Variants in RETREG1 observed in about 807,000 individuals in gnomAD.
RETREG1 encodes the protein family with sequence similarity 134 member B.
Under a neutral mutation model 54.8 loss-of-function variants are expected in RETREG1, and 44 were observed. The observed-to-expected ratio is 0.80, with a 90% CI of 0.63 to 1.03. The LOEUF (loss-of-function observed/expected upper bound fraction) is 1.03, where lower values mean the gene tolerates loss of function less well. Ranked by LOEUF, RETREG1 falls within the 50% of genes least tolerant of loss-of-function variation. The probability of loss-of-function intolerance (pLI) is 0.00; values close to 1 mark genes in which losing one functional copy is unlikely to be tolerated. For missense variants in RETREG1, 554 were observed against 605.1 expected (o/e 0.92, Z 0.89); for synonymous variants, 217 against 238.5 (o/e 0.91, Z 0.83).
chr5:16,475,196 G>C lies in RETREG1; in HGVS notation c.1039C>G (p.Leu347Val). ...TTTTCTAGAGATGGAAAATCTGAAA[G>C]ATCTCTAGAGAAAACTTCCTCACTG... is the stretch of plus-strand genomic sequence containing the variant. ...RPSEEVFSRD[L>V]SDFPSLENGM... The change falls in exon 9 of 9, where the codon CTT becomes GTT. Residue 347 changes from leucine (L) to valine (V), a missense_variant. Around this residue, in one of 4 missense-constraint regions of RETREG1, gnomAD observed 347 missense variants for 412.3 expected, o/e 0.84. Transcript: ENST00000306320. 6.2e-7 allele frequency: 1 copy of C among 1,613,468 alleles called. No individual in the cohort carries two copies. Among genetic ancestry groups the C allele is most frequent in the South Asian group, 1.1e-5 (1 of 91,076 alleles).
chr5:16,616,706 C>T lies in RETREG1; in HGVS notation c.266G>A (p.Trp89Ter). 6.3e-7 allele frequency: 1 copy of T among 1,591,332 alleles called. No individual in the cohort carries two copies. Among genetic ancestry groups the T allele is most frequent in the Non-Finnish European group, 8.5e-7 (1 of 1,175,776 alleles). ...LGCRADELLS[W>*]KRPLRSLLGF... ...GAGCAGGCTCCGCAGCGGCCTCTTC[C>T]AGCTCAGCAGCTCGTCGGCGCGGCA... Residue 89 changes from tryptophan to a stop codon, truncating the protein, a stop_gained, in exon 1 of 9, where the codon TGG becomes TAG. Coordinates refer to ENST00000306320, the MANE Select transcript of RETREG1 (RefSeq NM_001034850.3). LOFTEE classifies it high-confidence loss of function.
rs1738380612 is a variant in RETREG1, at chr5:16,473,332, C to T, written c.*1409G>A. 1.3e-5 allele frequency: 2 copies of T among 152,610 alleles called. No individual in the cohort carries two copies. Among genetic ancestry groups the T allele is most frequent in the Non-Finnish European group, 1.5e-5 (1 of 67,990 alleles). The allele number at this position is 152,610 out of a possible 1,614,324, so 9.5% of individuals were successfully genotyped here. On this transcript the variant is annotated 3_prime_UTR_variant, in exon 9 of 9. Coordinates refer to ENST00000306320, the MANE Select transcript of RETREG1 (RefSeq NM_001034850.3). ...CTTTAACATTTGGCAAAACTCAGTC[C>T]AGATATTTTAATACCTCAGAAAGAA...
At chr5:16,591,576 A>G (rs576091320) in intron 1 of RETREG1, among the ~76,000 whole-genome samples, 2 of 152,334 alleles carry the variant, frequency 1.3e-5, no homozygotes, top group Admixed American at 6.5e-5. Flanking sequence ...ACCAATTCAC[A>G]TGGCTTTGCT....
chr5:16,573,618 T>G (rs1742242768), intron 1 of RETREG1, among the ~76,000 whole-genome samples: 1 of 151,460 alleles, frequency 6.6e-6, no homozygotes, highest in South Asian at 2.1e-4. Context: ...CAGGCAAGGC[T>G]TAGGTGTTGT....
chr5:16,599,460 T>G (rs1239754943), intron 1 of RETREG1, among the ~76,000 whole-genome samples: 1 of 152,166 alleles, frequency 6.6e-6, no homozygotes, highest in Non-Finnish European at 1.5e-5. Flanking sequence ...ACACAGTATT[T>G]TGGAAAAGAA....
chr5:16,504,346 A>T (rs1270180994), intron 3 of RETREG1, among the ~76,000 whole-genome samples: 1 of 152,194 alleles, frequency 6.6e-6, no homozygotes, highest in East Asian at 1.9e-4. Context: ...GCTATTGTGA[A>T]TAGTTCCAGC....
At chr5:16,500,398 A>G (rs1321070044) in intron 3 of RETREG1, among the ~76,000 whole-genome samples, 1 of 152,150 alleles carries the variant, frequency 6.6e-6, no homozygotes, top group Non-Finnish European at 1.5e-5. Context: ...GAGAGATGAG[A>G]GAATGGGTGA....
chr5:16,602,655 G>A (rs536415121), intron 1 of RETREG1, among the ~76,000 whole-genome samples: 5 of 152,250 alleles, frequency 3.3e-5, no homozygotes, highest in Non-Finnish European at 7.4e-5. Context: ...TATGTGAATC[G>A]GGGTGCCAGG....
At chr5:16,477,483 C>T (rs1738584408) in intron 8 of RETREG1, among the ~76,000 whole-genome samples, 179 bp downstream of exon 8, 1 of 152,114 alleles carries the variant, frequency 6.6e-6, no homozygotes, top group Non-Finnish European at 1.5e-5. Context: ...GGCTTCTTAG[C>T]ATGTTTTCAA....
At position 16,478,903 on chromosome 5, in the gene RETREG1, T is replaced by A; in HGVS notation, c.755A>T (p.Lys252Ile). 6.2e-7 allele frequency: 1 copy of A among 1,612,540 alleles called. No individual in the cohort carries two copies. Among genetic ancestry groups the A allele is most frequent in the Non-Finnish European group, 8.5e-7 (1 of 1,179,028 alleles). The part of the protein sequence containing the change: ...IYSKIKSVLL[K>I]LDFGIGEYIN... The stretch of plus-strand genomic sequence containing the variant: ...ATATTCTCCAATTCCAAAATCCAGT[T>A]TCAGCAGAACTGACTTAATTTTGCT... Residue 252 changes from lysine (K) to isoleucine (I), a missense_variant, in exon 6 of 9, where the codon AAA becomes ATA. Transcript: ENST00000306320.
chr5:16,543,175 C>G (rs1741294602), intron 3 of RETREG1, among the ~76,000 whole-genome samples: 1 of 152,170 alleles, frequency 6.6e-6, no homozygotes. Context: ...ATAATTCACT[C>G]ACTTTTATTG....
chr5:16,478,977 T>G lies in RETREG1; in HGVS notation c.681A>C (p.Ala227=). ...TACATTTAAACAATGGACACAAAAA[T>G]GCACACAGTACTGAAAGAAGAAAGA... is the stretch of plus-strand genomic sequence containing the variant. ...VILSYLLLLC[A]FLCPLFKCND... The change falls in exon 6 of 9, where the codon GCA becomes GCC. Residue 227 remains alanine (A), a synonymous_variant. Transcript: ENST00000306320. The G allele has an allele frequency of 6.2e-7, 1 of 1,611,936 alleles. No homozygotes were observed. Among genetic ancestry groups the G allele is most frequent in the East Asian group, 2.2e-5 (1 of 44,734 alleles).
chr5:16,591,646 T>G (rs990576465), intron 1 of RETREG1, among the ~76,000 whole-genome samples: 1 of 152,216 alleles, frequency 6.6e-6, no homozygotes, highest in African/African-American at 2.4e-5. Context: ...TGTGCACACA[T>G]GAGCAGTACA....
chr5:16,484,769 T>C (rs1738953112), intron 3 of RETREG1, among the ~76,000 whole-genome samples: 7 of 152,176 alleles, frequency 4.6e-5, no homozygotes, highest in Admixed American at 4.6e-4. Flanking sequence ...ACCATTTTCC[T>C]TCCTCTTTGT....
intron 1 of RETREG1, among the ~76,000 whole-genome samples, chr5:16,586,825 C>T (rs1044731268): frequency 3.3e-5 from 5 of 152,216 alleles, no homozygotes; most frequent in Non-Finnish European, 5.9e-5. Flanking sequence ...ATCTATTTCT[C>T]ATAGTTCTGG....
At chr5:16,478,252 T>C (rs1047266616) in intron 6 of RETREG1, among the ~76,000 whole-genome samples, 154 bp from the exon 7 acceptor site, 1 of 152,192 alleles carries the variant, frequency 6.6e-6, no homozygotes, top group Non-Finnish European at 1.5e-5. Flanking sequence ...ATTAAATGTT[T>C]GCACATAACA....
chr5:16,523,909 G>A (rs1297631311), intron 3 of RETREG1, among the ~76,000 whole-genome samples: 2 of 152,116 alleles, frequency 1.3e-5, no homozygotes, highest in Non-Finnish European at 2.9e-5. Flanking sequence ...CCACAAACTT[G>A]TTCTTGCCTC....
At chr5:16,477,609 A>G in intron 8 of RETREG1, 53 bp downstream of exon 8, 1 of 1,550,138 alleles carries the variant, frequency 6.5e-7, no homozygotes, top group Non-Finnish European at 8.9e-7. Context: ...ACAGAAGTTC[A>G]ATAGTTTTGT....
At chr5:16,534,747 C>G (rs910625235) in intron 3 of RETREG1, among the ~76,000 whole-genome samples, 12 of 152,192 alleles carry the variant, frequency 7.9e-5, no homozygotes, top group Non-Finnish European at 1.2e-4. Flanking sequence ...GAGAAGCCCC[C>G]CTCAGAATTA....
Sources: allele counts gnomAD v4.1 joint callset (sites outside exome capture counted in the v4.1 genomes callset), GRCh38; gene constraint gnomAD v4.1.1; regional missense constraint gnomAD v4.1.1; transcripts MANE v1.5; gene names NCBI Gene and HGNC (gene_info 2026-07-23, HGNC 2026-07-21).